PITPNC1: variants seen among roughly 807,000 people sequenced by gnomAD.
PITPNC1 encodes phosphatidylinositol transfer protein cytoplasmic 1.
PITPNC1 carries 18 observed loss-of-function variants against 44.7 expected under a neutral mutation model. The observed-to-expected ratio is 0.40, with a 90% CI of 0.28 to 0.60. The LOEUF (loss-of-function observed/expected upper bound fraction) is 0.60. PITPNC1 is among the 20% of genes least tolerant of loss of function. PITPNC1 has a pLI of 0.39. For synonymous variants in PITPNC1, 141 were observed against 149.6 expected (o/e 0.94, Z 0.42); for missense variants, 290 against 418.4 (o/e 0.69, Z 2.68).
chr17:67,654,307 G>T (rs1320429261), intron 6 of PITPNC1, among the ~76,000 whole-genome samples: 1 of 152,128 alleles, frequency 6.6e-6, no homozygotes, highest in African/African-American at 2.4e-5. Context: ...GCCCACCCAG[G>T]CTTTCACTCA....
chr17:67,566,364 C>T (rs1022642604), intron 4 of PITPNC1, among the ~76,000 whole-genome samples: 1 of 152,066 alleles, frequency 6.6e-6, no homozygotes, highest in Non-Finnish European at 1.5e-5. Context: ...CCACCATGCC[C>T]AGCTAATTTT....
intron 1 of PITPNC1, among the ~76,000 whole-genome samples, chr17:67,502,738 G>GCATTT (rs2040048865): frequency 6.6e-6 from 1 of 150,394 alleles, no homozygotes; most frequent in Non-Finnish European, 1.5e-5. Flanking sequence ...TTATTGCATT[G>GCATTT]CATTGCATTG....
In PITPNC1 at chr17:67,649,682, C is replaced by T. The variant is rs569251814; in HGVS notation, c.462+17444C>T. 8.5e-5 allele frequency among the ~76,000 whole-genome samples: 13 copies of T among 152,064 alleles called. No individual in the cohort carries two copies. In the South Asian group the frequency reaches 1.5e-3, roughly 17 times the overall value. On this transcript the variant is annotated intron_variant, in intron 6 of 8. Coordinates refer to ENST00000581322, the MANE Select transcript of PITPNC1 (RefSeq NM_012417.4). ...GGTGGATCACTTGAGGCCAGGAGTT[C>T]GAGACTAGCCTGGCCAACAGAGTGA...
intron 2 of PITPNC1, among the ~76,000 whole-genome samples, chr17:67,546,260 A>G (rs1332924919): frequency 6.9e-6 from 1 of 145,894 alleles, no homozygotes. Context: ...ATACTTATGT[A>G]TATTACATAT....
At chr17:67,535,681 TC>T (rs35236649) in intron 2 of PITPNC1, among the ~76,000 whole-genome samples, 4,424 of 152,306 alleles carry the variant, frequency 0.029, 90 homozygotes, top group Middle Eastern at 0.058. Context: ...CTCCACCACT[TC>T]CCATGACAAA....
At chr17:67,620,062 G>A (rs753652563) in intron 5 of PITPNC1, among the ~76,000 whole-genome samples, 1 of 151,880 alleles carries the variant, frequency 6.6e-6, no homozygotes, top group Non-Finnish European at 1.5e-5. Flanking sequence ...TGTTTTTGTT[G>A]TTGTTTTTTG....
chr17:67,691,574 G>C (rs1445261083), intron 8 of PITPNC1, among the ~76,000 whole-genome samples: 1 of 152,086 alleles, frequency 6.6e-6, no homozygotes, highest in African/African-American at 2.4e-5. Context: ...TGAAATTGTT[G>C]ATTTACGTGT....
intron 8 of PITPNC1, among the ~76,000 whole-genome samples, chr17:67,686,071 T>G (rs2042810063): frequency 6.6e-6 from 1 of 151,910 alleles, no homozygotes; most frequent in Non-Finnish European, 1.5e-5. Context: ...CCTCAATTGA[T>G]CCACCCGCCT....
chr17:67,607,384 G>T (rs2041622383), intron 5 of PITPNC1, among the ~76,000 whole-genome samples: 2 of 152,218 alleles, frequency 1.3e-5, no homozygotes, highest in Non-Finnish European at 1.5e-5. Flanking sequence ...CTCCCATCCA[G>T]GCCATGCAGT....
chr17:67,583,779 C>T, intron 5 of PITPNC1, among the ~76,000 whole-genome samples: 1 of 372 alleles, frequency 2.7e-3, no homozygotes, highest in Non-Finnish European at 0.012. Context: ...ACTGCAAGCT[C>T]CGGCCTTCCA....
At chr17:67,488,654 C>G (rs978014412) in intron 1 of PITPNC1, among the ~76,000 whole-genome samples, 1 of 152,172 alleles carries the variant, frequency 6.6e-6, no homozygotes, top group Non-Finnish European at 1.5e-5. Flanking sequence ...GCATTCCTAT[C>G]GTTGTACCAG....
chr17:67,623,638 C>T (rs537917185), intron 5 of PITPNC1, among the ~76,000 whole-genome samples: 177 of 152,318 alleles, frequency 1.2e-3, no homozygotes, highest in South Asian at 4.4e-3. Context: ...CCTGCCTTGG[C>T]CTCCCAAAGT....
chr17:67,487,528 C>T (rs34751597), intron 1 of PITPNC1, among the ~76,000 whole-genome samples: 6,893 of 152,266 alleles, frequency 0.045, 217 homozygotes, highest in Middle Eastern at 0.12. Flanking sequence ...AATTTTACCT[C>T]GAAGAAACAA....
intron 4 of PITPNC1, among the ~76,000 whole-genome samples, chr17:67,577,788 A>G (rs964485514): frequency 2.0e-5 from 3 of 152,224 alleles, no homozygotes; most frequent in African/African-American, 4.8e-5. Flanking sequence ...GAGCATTTAT[A>G]TAAAGATTAA....
At chr17:67,385,492 C>T (rs909532634) in intron 1 of PITPNC1, among the ~76,000 whole-genome samples, 9 of 145,666 alleles carry the variant, frequency 6.2e-5, no homozygotes, top group South Asian at 2.4e-4. Context: ...CCCCCCTCCC[C>T]TCCCCCCAGG....
At chr17:67,523,965 C>T (rs538007218) in intron 1 of PITPNC1, among the ~76,000 whole-genome samples, 15 of 152,082 alleles carry the variant, frequency 9.9e-5, no homozygotes, top group Non-Finnish European at 1.8e-4. Flanking sequence ...GTGCCTGCCA[C>T]CACGCCCGGC....
chr17:67,589,446 A>G (rs987350030), intron 5 of PITPNC1, among the ~76,000 whole-genome samples: 1 of 152,184 alleles, frequency 6.6e-6, no homozygotes, highest in African/African-American at 2.4e-5. Context: ...TGCTAGTATC[A>G]AGGGTGAGGG....
At chr17:67,453,624 C>T (rs554890657) in intron 1 of PITPNC1, among the ~76,000 whole-genome samples, 6 of 152,280 alleles carry the variant, frequency 3.9e-5, no homozygotes, top group Non-Finnish European at 5.9e-5. Flanking sequence ...AAAACATCAG[C>T]GACGTTGTGG....
chr17:67,505,675 C>T (rs2040090946), intron 1 of PITPNC1, among the ~76,000 whole-genome samples: 1 of 151,980 alleles, frequency 6.6e-6, no homozygotes, highest in Non-Finnish European at 1.5e-5. Flanking sequence ...TGGGGTTTTA[C>T]CGTGTTAGCC....
Sources: allele counts gnomAD v4.1 joint callset (sites outside exome capture counted in the v4.1 genomes callset), GRCh38; gene constraint gnomAD v4.1.1; transcripts MANE v1.5; gene names NCBI Gene and HGNC (gene_info 2026-07-23, HGNC 2026-07-21).